The following RAB8A variants were observed in gnomAD, a reference collection of about 807,000 sequenced individuals.
RAB8A encodes ras-related protein Rab-8A.
A neutral mutation model predicts 29.2 loss-of-function variants in RAB8A; 5 were observed. The observed-to-expected ratio is 0.17, with a 90% CI of 0.09 to 0.36. The LOEUF is 0.36. RAB8A is among the 10% of genes least tolerant of loss of function. RAB8A has a pLI of 1.00. For synonymous variants in RAB8A, 108 were observed against 99.9 expected, an observed-to-expected ratio of 1.08 and a Z score of -0.49; for missense variants, 171 against 272.2, an observed-to-expected ratio of 0.63 and a Z score of 2.62.
At chr19:16,112,140 G>A in intron 1 of RAB8A, 115 bp downstream of exon 1, 4 of 1,424,860 alleles carry the variant, frequency 2.8e-6, no homozygotes, top group Non-Finnish European at 3.8e-6. Flanking sequence ...TGAGAGGGTC[G>A]AGGGGGCCTA....
intron 7 of RAB8A, among the ~76,000 whole-genome samples, chr19:16,130,705 C>T (rs2090921145): frequency 6.6e-6 from 1 of 152,068 alleles, no homozygotes; most frequent in African/African-American, 2.4e-5. Context: ...GGCTGGAGTG[C>T]AGTGGCACCA....
chr19:16,119,228 G>A (rs1172818470), intron 2 of RAB8A, among the ~76,000 whole-genome samples: 2 of 151,334 alleles, frequency 1.3e-5, no homozygotes, highest in Admixed American at 6.6e-5. Context: ...TTTTTGAGAC[G>A]GAGTTTCGCT....
chr19:16,130,270 C>T (rs992411799), intron 7 of RAB8A, among the ~76,000 whole-genome samples: 2 of 152,060 alleles, frequency 1.3e-5, no homozygotes, highest in African/African-American at 2.4e-5. Flanking sequence ...GCCTAAACAC[C>T]GTAGTGACCC....
At chr19:16,116,794 C>T (rs1273419297) in intron 1 of RAB8A, among the ~76,000 whole-genome samples, 1 of 151,128 alleles carries the variant, frequency 6.6e-6, no homozygotes. Flanking sequence ...AAGATTGCAC[C>T]ACTGCACTCC....
chr19:16,116,721 G>C (rs144993396), intron 1 of RAB8A, among the ~76,000 whole-genome samples: 1 of 152,118 alleles, frequency 6.6e-6, no homozygotes, highest in Non-Finnish European at 1.5e-5. Flanking sequence ...GGCAGTCCCA[G>C]CTACTTGGGA....
At chr19:16,118,595 G>A (rs1316947570) in intron 2 of RAB8A, among the ~76,000 whole-genome samples, 1 of 152,232 alleles carries the variant, frequency 6.6e-6, no homozygotes, top group Non-Finnish European at 1.5e-5. Flanking sequence ...TCTGTTGAAC[G>A]GGAAGAGAGC....
At chr19:16,115,709 C>T (rs1423509238) in intron 1 of RAB8A, among the ~76,000 whole-genome samples, 1 of 152,210 alleles carries the variant, frequency 6.6e-6, no homozygotes, top group Non-Finnish European at 1.5e-5. Flanking sequence ...AGTCAAGGTG[C>T]GTGCAGGACT....
intron 2 of RAB8A, among the ~76,000 whole-genome samples, chr19:16,120,503 G>A (rs2090869808): frequency 6.6e-6 from 1 of 151,314 alleles, no homozygotes; most frequent in Admixed American, 6.6e-5. Context: ...AGTAGACAGG[G>A]TTTCACCATG....
intron 1 of RAB8A, among the ~76,000 whole-genome samples, chr19:16,115,608 C>T (rs2090842919): frequency 6.6e-6 from 1 of 152,188 alleles, no homozygotes; most frequent in African/African-American, 2.4e-5. Flanking sequence ...CCCTGTTGCG[C>T]TTTAATACTT....
chr19:16,113,241 A>G (rs1177751483), intron 1 of RAB8A, among the ~76,000 whole-genome samples: 1 of 152,192 alleles, frequency 6.6e-6, no homozygotes, highest in Non-Finnish European at 1.5e-5. Flanking sequence ...AAGTGGGGGA[A>G]CGGTCACTAA....
At chr19:16,124,029 T>G (rs2090886372) in intron 3 of RAB8A, 1 of 152,046 alleles carries the variant, frequency 6.6e-6, no homozygotes, top group East Asian at 1.9e-4. Flanking sequence ...TCCAGGAATT[T>G]GAGTCTTAGG....
At position 16,133,545 on chromosome 19, in the gene RAB8A, T is replaced by G. The variant is rs1307978498; in HGVS notation, c.*1241T>G. The G allele has an allele frequency of 6.6e-6, 1 of 152,488 alleles. No individual in the cohort carries two copies. Among genetic ancestry groups the G allele is most frequent in the Non-Finnish European group, 1.5e-5 (1 of 68,034 alleles). 9.4% of individuals were successfully genotyped at this position (152,488 alleles called of 1,614,324 possible). A position where few individuals can be genotyped will look rare whatever the true frequency, so the allele number is the denominator to read the frequency against. On this transcript the variant is annotated 3_prime_UTR_variant, in exon 8 of 8. Coordinates refer to ENST00000300935, the MANE Select transcript of RAB8A (RefSeq NM_005370.5). ...TAAAACCAACATATCAGCAATAGTC[T>G]GCTCTCCCCGGGAATCTCTAACATG...
rs865920330 is a variant in RAB8A, at chr19:16,132,515, T to C, written c.*211T>C. On this transcript the variant is annotated 3_prime_UTR_variant, in exon 8 of 8. Coordinates refer to ENST00000300935, the MANE Select transcript of RAB8A (RefSeq NM_005370.5). This position sits in a 1 kb window ranked among gnomAD's most constrained non-coding sequence, Gnocchi z 5.6. ...TTGGAGATGGAATAAGTTAAAAATT[T>C]GCTATTTTTCCTGTAACATCTGCTG... 1.7e-5 allele frequency: 10 copies of C among 584,774 alleles called. No homozygotes were observed. The highest frequency in any genetic ancestry group is 1.5e-4 in the African/African-American group (8 of 53,366). The allele number at this position is 584,774 out of a possible 1,614,324, so 36.2% of individuals were successfully genotyped here. A position where few individuals can be genotyped will look rare whatever the true frequency, so the allele number is the denominator to read the frequency against.
chr19:16,132,225 C>T lies in RAB8A; in HGVS notation c.545C>T (p.Pro182Leu). 6.2e-7 allele frequency: 1 copy of T among 1,614,010 alleles called. No homozygotes were observed. Among genetic ancestry groups the T allele is most frequent in the East Asian group, 2.2e-5 (1 of 44,872 alleles). Residue 182 changes from proline (P) to leucine (L), a missense_variant, in exon 8 of 8, where the codon CCC becomes CTC. Pro to Leu is a moderately conservative substitution (Grantham distance 98, BLOSUM62 -3). This residue lies in a region of RAB8A where 145 missense variants were observed against 212.8 expected (regional missense o/e 0.68). Transcript: ENST00000300935. The surrounding 1 kb of genome is among the most constrained non-coding windows in gnomAD (Gnocchi z 5.6). Reference sequence around the variant, plus strand: ...TTGTGATTTCAGGAAGGCAACAGCCCCCAGGGGAGCAACCAGGGAGTCAAA... The same window carrying T: ...TTGTGATTTCAGGAAGGCAACAGCCTCCAGGGGAGCAACCAGGGAGTCAAA... ...KMDKKLEGNS[P>L]QGSNQGVKIT...
intron 1 of RAB8A, among the ~76,000 whole-genome samples, chr19:16,116,216 G>A (rs1170665338): frequency 6.6e-6 from 1 of 152,134 alleles, no homozygotes; most frequent in East Asian, 1.9e-4. Flanking sequence ...CCCGAGTCAG[G>A]AGCATGCTTG....
intron 1 of RAB8A, among the ~76,000 whole-genome samples, chr19:16,115,743 T>C (rs551697545): frequency 6.6e-6 from 1 of 152,306 alleles, no homozygotes; most frequent in East Asian, 1.9e-4. Context: ...CTAGCAAATG[T>C]GTATTCAACC....
chr19:16,127,678 G>T lies in RAB8A; in HGVS notation c.414+152G>T. The T allele has an allele frequency of 3.1e-6, 2 of 648,830 alleles. No individual in the cohort carries two copies. Among genetic ancestry groups the T allele is most frequent in the South Asian group, 2.1e-5 (1 of 47,138 alleles). The allele number at this position is 648,830 out of a possible 1,614,324, so 40.2% of individuals were successfully genotyped here. A position where few individuals can be genotyped will look rare whatever the true frequency, so the allele number is the denominator to read the frequency against. On this transcript the variant is annotated intron_variant, in intron 5 of 7. Coordinates refer to ENST00000300935, the MANE Select transcript of RAB8A (RefSeq NM_005370.5). This position sits in a 1 kb window ranked among gnomAD's most constrained non-coding sequence, Gnocchi z 4.8. ...ATGGGATGACAGAAGCACACACCCAGCCGGGGCTTCTTGGGTGCACTCTGC... is the reference window on the plus strand; with the variant it reads ...ATGGGATGACAGAAGCACACACCCATCCGGGGCTTCTTGGGTGCACTCTGC...
chr19:16,127,367 CTG>C lies in RAB8A; in HGVS notation c.325-64_325-63del, dbSNP rs981749906. On this transcript the variant is annotated intron_variant, in intron 4 of 7. Coordinates refer to ENST00000300935, the MANE Select transcript of RAB8A (RefSeq NM_005370.5). This position sits in a 1 kb window ranked among gnomAD's most constrained non-coding sequence, Gnocchi z 4.8. ...CACCGCTCTGATTTCTGGGGACAGA[CTG>C]TGTGTTGGCAGAGGCACCTGGCCTG... 4.1e-5 allele frequency: 42 copies of C among 1,026,480 alleles called. No individual in the cohort carries two copies. Among genetic ancestry groups the C allele is most frequent in the Non-Finnish European group, 5.2e-5 (39 of 746,100 alleles). The allele number at this position is 1,026,480 out of a possible 1,614,324, so 63.6% of individuals were successfully genotyped here. A position where few individuals can be genotyped will look rare whatever the true frequency, so the allele number is the denominator to read the frequency against.
Position 16,132,373 on chromosome 19 carries a change from TC to T in RAB8A, c.*70del. On this transcript the variant is annotated 3_prime_UTR_variant, in exon 8 of 8. Transcript: ENST00000300935. The surrounding 1 kb of genome is among the most constrained non-coding windows in gnomAD (Gnocchi z 5.6). ...TGCCTGTTCTGAGTGAGCCCCTCAC[TC>T]AGCCGGGGCCCTCCCACCTCCAACG... 3 of 1,515,322 alleles carry T rather than the reference TC, an allele frequency of 2.0e-6. No individual in the cohort carries two copies. Among genetic ancestry groups the T allele is most frequent in the Admixed American group, 3.7e-5 (2 of 54,530 alleles). 93.9% of individuals were successfully genotyped at this position (1,515,322 alleles called of 1,614,324 possible).
Sources: gnomAD v4.1 joint callset for allele counts (sites outside exome capture counted in the v4.1 genomes callset) on GRCh38, gnomAD v4.1.1 for gene constraint, gnomAD v4.1.1 regional missense constraint, Gnocchi (gnomAD v3.1) non-coding constraint, MANE v1.5 for transcripts, NCBI Gene and HGNC (gene_info 2026-07-23, HGNC 2026-07-21) for gene names.